Variants in CTTNBP2NL observed in about 807,000 individuals in gnomAD.
CTTNBP2NL encodes the protein CTTNBP2 N-terminal-like protein.
Under a neutral mutation model 32.5 loss-of-function variants are expected in CTTNBP2NL, and 16 were observed. That is an observed-to-expected ratio of 0.49 (90% CI 0.33 to 0.75). The LOEUF is 0.75. CTTNBP2NL is among the 30% of genes least tolerant of loss of function. The probability of loss-of-function intolerance (pLI) is 0.02; values close to 1 mark genes in which losing one functional copy is unlikely to be tolerated. For missense variants in CTTNBP2NL, 645 were observed against 756.0 expected, an observed-to-expected ratio of 0.85 and a Z score of 1.72; for synonymous variants, 298 against 289.4, an observed-to-expected ratio of 1.03 and a Z score of -0.30.
intron 2 of CTTNBP2NL, among the ~76,000 whole-genome samples, chr1:112,413,438 A>G (rs983806554): frequency 6.6e-5 from 10 of 152,166 alleles, no homozygotes; most frequent in African/African-American, 2.2e-4. Flanking sequence ...ATGTGGTAAG[A>G]TGTTCTACAT....
intron 3 of CTTNBP2NL, among the ~76,000 whole-genome samples, chr1:112,447,615 T>C (rs1330200290): frequency 6.6e-6 from 1 of 152,046 alleles, no homozygotes; most frequent in Non-Finnish European, 1.5e-5. Flanking sequence ...GAAGAAGAAG[T>C]CTTCAGATTT....
At chr1:112,428,035 C>T (rs1256343154) in intron 3 of CTTNBP2NL, among the ~76,000 whole-genome samples, 1 of 151,790 alleles carries the variant, frequency 6.6e-6, no homozygotes, top group African/African-American at 2.4e-5. Context: ...GTTCCTAGGA[C>T]AAAATTAAAT....
chr1:112,459,706 T>C lies in CTTNBP2NL; in HGVS notation c.*2294T>C, dbSNP rs1362755803. On this transcript the variant is annotated 3_prime_UTR_variant, in exon 6 of 6. Coordinates refer to ENST00000271277, the MANE Select transcript of CTTNBP2NL (RefSeq NM_018704.3). ...AATAGTGTTGATAAAATAGCTAAAC[T>C]TTCTAAACTGGAGAGGAGGCTACAG... 1 of 152,202 alleles carries C rather than the reference T, an allele frequency of 6.6e-6. No individual in the cohort carries two copies. The highest frequency in any genetic ancestry group is 1.5e-5 in the Non-Finnish European group (1 of 68,040). The allele number at this position is 152,202 out of a possible 1,614,324, so 9.4% of individuals were successfully genotyped here.
At chr1:112,409,393 A>G (rs367563486) in intron 1 of CTTNBP2NL, among the ~76,000 whole-genome samples, 10 of 152,110 alleles carry the variant, frequency 6.6e-5, no homozygotes, top group Admixed American at 5.9e-4. Flanking sequence ...TTACTGATTA[A>G]AAAAAATTAG....
At position 112,424,009 on chromosome 1, in the gene CTTNBP2NL, C is replaced by T. The variant is rs186827118; in HGVS notation, c.99+7745C>T. ...AAGTGCTGGGATTACAGGCATGAGC[C>T]GCCGTGCCCAGCCTATCAATTTTTC... On this transcript the variant is annotated intron_variant, in intron 3 of 5. Transcript: ENST00000271277. 3.5e-3 allele frequency among the ~76,000 whole-genome samples: 530 copies of T among 152,304 alleles called. 1 individual carries two copies. Among genetic ancestry groups the T allele is most frequent in the Non-Finnish European group, 5.9e-3 (403 of 68,030 alleles).
intron 4 of CTTNBP2NL, among the ~76,000 whole-genome samples, chr1:112,451,192 C>A (rs1309950496): frequency 6.6e-6 from 1 of 151,874 alleles, no homozygotes; most frequent in Non-Finnish European, 1.5e-5. Flanking sequence ...TTCTCTCTTG[C>A]TTTATCAATT....
intron 1 of CTTNBP2NL, among the ~76,000 whole-genome samples, chr1:112,401,282 A>G (rs914852255): frequency 1.3e-5 from 2 of 152,222 alleles, no homozygotes; most frequent in Admixed American, 6.5e-5. Flanking sequence ...CATCTGAGCC[A>G]AAGATTTTTA....
upstream of CTTNBP2NL, among the ~76,000 whole-genome samples, chr1:112,393,123 G>A (rs1378720473): frequency 2.0e-5 from 3 of 152,110 alleles, no homozygotes; most frequent in East Asian, 1.9e-4. Context: ...CTCCCAAAGT[G>A]CTAGGATTAC....
Position 112,417,157 on chromosome 1 carries a change from C to T in CTTNBP2NL, c.99+893C>T, listed in dbSNP as rs1221466031. On this transcript the variant is annotated intron_variant, in intron 3 of 5. Transcript: ENST00000271277. ...CTCGTTTTCTCTTTTATAGTTTTACCGAGATAACCTGTCTGCTTTTCAGCC... is the reference window on the plus strand; with the variant it reads ...CTCGTTTTCTCTTTTATAGTTTTACTGAGATAACCTGTCTGCTTTTCAGCC... Among the ~76,000 whole-genome samples the T allele has an allele frequency of 3.3e-5, 5 of 152,056 alleles. No homozygotes were observed. In the East Asian group the frequency reaches 7.7e-4, roughly 23 times the overall value.
chr1:112,456,585 G>A lies in CTTNBP2NL; in HGVS notation c.1093G>A (p.Gly365Ser), dbSNP rs770880543. 4 of 1,614,070 alleles carry A rather than the reference G, an allele frequency of 2.5e-6. No homozygotes were observed. The highest frequency in any genetic ancestry group is 2.7e-5 in the African/African-American group (2 of 74,938). Residue 365 changes from glycine (G) to serine (S), a missense_variant, in exon 6 of 6, where the codon GGC (glycine) becomes AGC (serine). Coordinates refer to ENST00000271277, the MANE Select transcript of CTTNBP2NL (RefSeq NM_018704.3). ...EIQTTRELTA[G>S]NNVENQVPPR... ...ACAAACTACCAGGGAGCTGACTGCA[G>A]GCAACAATGTAGAAAACCAGGTGCC...
chr1:112,419,556 T>A (rs201804909), intron 3 of CTTNBP2NL, among the ~76,000 whole-genome samples: 1 of 150,050 alleles, frequency 6.7e-6, no homozygotes, highest in Admixed American at 6.7e-5. Flanking sequence ...CACCAAAAAT[T>A]AAAAAAAAAA....
At chr1:112,439,367 C>A (rs1649830498) in intron 3 of CTTNBP2NL, among the ~76,000 whole-genome samples, 1 of 152,152 alleles carries the variant, frequency 6.6e-6, no homozygotes, top group Admixed American at 6.5e-5. Flanking sequence ...TTCCCAGGAC[C>A]TCACTTTTGA....
At chr1:112,408,951 A>AC (rs1159306348) in intron 1 of CTTNBP2NL, among the ~76,000 whole-genome samples, 1 of 151,800 alleles carries the variant, frequency 6.6e-6, no homozygotes, top group Non-Finnish European at 1.5e-5. Flanking sequence ...ACATGGTGAG[A>AC]CCCCCGTCTC....
intron 3 of CTTNBP2NL, among the ~76,000 whole-genome samples, chr1:112,443,609 A>G (rs962105146): frequency 2.0e-5 from 3 of 152,230 alleles, no homozygotes; most frequent in Non-Finnish European, 4.4e-5. Flanking sequence ...TTGGCCTCCC[A>G]AAGTGCTGGT....
At chr1:112,434,791 C>T (rs1193224769) in intron 3 of CTTNBP2NL, among the ~76,000 whole-genome samples, 1 of 152,110 alleles carries the variant, frequency 6.6e-6, no homozygotes, top group African/African-American at 2.4e-5. Context: ...GAACTGTTCC[C>T]TTGTTTGGAA....
At position 112,460,157 on chromosome 1, in the gene CTTNBP2NL, C is replaced by A. The variant is rs1414704158; in HGVS notation, c.*2745C>A. The A allele has an allele frequency of 6.6e-6, 1 of 152,172 alleles. No homozygotes were observed. Among genetic ancestry groups the A allele is most frequent in the African/African-American group, 2.4e-5 (1 of 41,448 alleles). 9.4% of individuals were successfully genotyped at this position (152,172 alleles called of 1,614,324 possible). ...AACACAAGCATTAACTAGGCATTAACGTTTGTAAAGCCAAATATACCATGC... is the reference window on the plus strand; with the variant it reads ...AACACAAGCATTAACTAGGCATTAAAGTTTGTAAAGCCAAATATACCATGC... On this transcript the variant is annotated 3_prime_UTR_variant, in exon 6 of 6. Transcript: ENST00000271277.
chr1:112,402,043 A>G (rs938555504), intron 1 of CTTNBP2NL, among the ~76,000 whole-genome samples: 1 of 152,208 alleles, frequency 6.6e-6, no homozygotes, highest in East Asian at 1.9e-4. Flanking sequence ...CTTCGGGAGC[A>G]TCTGCGTAGA....
chr1:112,401,267 T>G (rs568611850), intron 1 of CTTNBP2NL, among the ~76,000 whole-genome samples: 1 of 152,346 alleles, frequency 6.6e-6, no homozygotes, highest in South Asian at 2.1e-4. Context: ...TGTCATGATC[T>G]CAAGCATCTG....
chr1:112,419,334 G>T (rs749527930), intron 3 of CTTNBP2NL, among the ~76,000 whole-genome samples: 1 of 152,078 alleles, frequency 6.6e-6, no homozygotes, highest in Non-Finnish European at 1.5e-5. Flanking sequence ...TGAAAAAATC[G>T]AAATGTTATG....
Sources: allele counts gnomAD v4.1 joint callset (sites outside exome capture counted in the v4.1 genomes callset), GRCh38; gene constraint gnomAD v4.1.1; transcripts MANE v1.5; gene names NCBI Gene and HGNC (gene_info 2026-07-23, HGNC 2026-07-21).